Variants in USP28 observed in about 807,000 individuals in gnomAD.
The protein encoded by USP28 is ubiquitin specific peptidase 28.
USP28 carries 113 observed loss-of-function variants against 145.0 expected under a neutral mutation model. The ratio of observed to expected loss-of-function variants is 0.78; its 90% CI spans 0.67 to 0.91. The LOEUF (loss-of-function observed/expected upper bound fraction) is 0.91. Among genes scored for constraint, USP28 ranks in the 40% least tolerant of loss-of-function variants. The pLI is 0.00. For synonymous variants in USP28, 447 were observed against 450.9 expected (o/e 0.99, Z 0.11); for missense variants, 1,201 against 1,289.6 (o/e 0.93, Z 1.05).
intron 1 of USP28, chr11:113,859,570 A>G (rs138204983): frequency 3.3e-5 from 5 of 152,068 alleles, no homozygotes; most frequent in African/African-American, 1.2e-4. Context: ...AAAGTTCTTA[A>G]CAGAACCCGC....
exon 14 of USP28, chr11:113,815,291 G>A (rs749211347): frequency 1.4e-5 from 23 of 1,614,114 alleles, no homozygotes; most frequent in Middle Eastern, 1.6e-4. Context: ...ATGGAAGACC[G>A]AGAAGATGTC....
At chr11:113,812,213 T>C in intron 16 of USP28, 63 bp downstream of exon 16, 1 of 1,292,716 alleles carries the variant, frequency 7.7e-7, no homozygotes. Flanking sequence ...AGTACAAGAC[T>C]GTTCTTCTCC....
At chr11:113,868,616 C>G (rs1196860344) in intron 1 of USP28, among the ~76,000 whole-genome samples, 1 of 152,060 alleles carries the variant, frequency 6.6e-6, no homozygotes, top group South Asian at 2.1e-4. Context: ...AGTTTAAAAT[C>G]TCATACGAAT....
At chr11:113,824,874 T>C (rs375558204) in intron 11 of USP28, among the ~76,000 whole-genome samples, 1 of 146,182 alleles carries the variant, frequency 6.8e-6, no homozygotes, top group East Asian at 2.0e-4. Context: ...GAGGTTGCGG[T>C]GAGCCAAGAT....
chr11:113,868,739 A>G (rs780045455), intron 1 of USP28, among the ~76,000 whole-genome samples: 5 of 151,814 alleles, frequency 3.3e-5, no homozygotes, highest in Admixed American at 6.6e-5. Context: ...TGGGCAACAT[A>G]AAGAGACCCC....
chr11:113,861,793 CAA>C (rs1331249534), intron 1 of USP28, among the ~76,000 whole-genome samples: 7 of 152,104 alleles, frequency 4.6e-5, no homozygotes, highest in Admixed American at 4.6e-4. Flanking sequence ...TACATTAAGA[CAA>C]TATTTTTCAT....
Position 113,806,539 on chromosome 11 carries a change from T to TA in USP28, c.2349dup (p.Lys784Ter). ...TCTCGGTCAAAGGTCTGACGGGCTT[T>TA]AGCTATGGCCAGGATGACCCCTTGC... On this transcript the variant is annotated frameshift_variant, in exon 19 of 25. Coordinates refer to ENST00000003302, the Ensembl canonical transcript of USP28. LOFTEE classifies it high-confidence loss of function. 1 of 1,606,622 alleles carries TA rather than the reference T, an allele frequency of 6.2e-7. No homozygotes were observed. Among genetic ancestry groups the TA allele is most frequent in the Non-Finnish European group, 8.5e-7 (1 of 1,176,930 alleles).
chr11:113,845,129 A>C (rs1393482349), intron 3 of USP28, among the ~76,000 whole-genome samples: 4 of 151,018 alleles, frequency 2.6e-5, no homozygotes, highest in Non-Finnish European at 4.4e-5. Context: ...AAAAAAAAAA[A>C]AAACAACAAA....
intron 1 of USP28, among the ~76,000 whole-genome samples, chr11:113,868,314 T>C (rs1401908371): frequency 6.6e-6 from 1 of 152,234 alleles, no homozygotes; most frequent in Non-Finnish European, 1.5e-5. Context: ...TGTTATAGTT[T>C]TGGTTTTATC....
intron 1 of USP28, among the ~76,000 whole-genome samples, chr11:113,869,746 A>G (rs1157597810): frequency 2.0e-5 from 3 of 152,224 alleles, no homozygotes; most frequent in African/African-American, 4.8e-5. Flanking sequence ...TCCCATGCCT[A>G]GTATAACAAC....
At chr11:113,852,674 T>A in intron 2 of USP28, 41 bp from the exon 3 acceptor site, 3 of 1,607,954 alleles carry the variant, frequency 1.9e-6, no homozygotes, top group Non-Finnish European at 2.5e-6. Flanking sequence ...AAAGTAATCA[T>A]AGAATTTAAA....
intron 2 of USP28, among the ~76,000 whole-genome samples, chr11:113,853,060 T>C (rs1253677097): frequency 6.6e-6 from 1 of 152,072 alleles, no homozygotes; most frequent in Non-Finnish European, 1.5e-5. Flanking sequence ...CCCAGCACAC[T>C]GGGAGGCCAA....
At chr11:113,874,423 G>GGAAAAAA in intron 1 of USP28, 2 of 412,952 alleles carry the variant, frequency 4.8e-6, no homozygotes, top group Admixed American at 1.1e-4. Context: ...AGACTCTGTC[G>GGAAAAAA]AAAAAAAAAA....
chr11:113,804,415 T>G (rs917808619), intron 21 of USP28, among the ~76,000 whole-genome samples: 3 of 152,218 alleles, frequency 2.0e-5, no homozygotes, highest in Non-Finnish European at 2.9e-5. Flanking sequence ...TTCAAGAATT[T>G]TACTGCCTAG....
rs765490112 is a variant in USP28, at chr11:113,840,628, G to A, written c.504C>T (p.Gly168=). The A allele has an allele frequency of 6.2e-7, 1 of 1,614,092 alleles. No homozygotes were observed. The highest frequency in any genetic ancestry group is 8.5e-7 in the Non-Finnish European group (1 of 1,179,992). ...TAACAGCACTAAACCAACATGTATT[G>A]CCAACATTTTTCAGCCCAACTGGCC... The change falls in exon 5 of 25, where the codon GGC becomes GGT. Residue 168 remains glycine (G), a synonymous_variant. Transcript: ENST00000003302.
At chr11:113,867,498 C>G (rs957412879) in intron 1 of USP28, among the ~76,000 whole-genome samples, 1 of 151,904 alleles carries the variant, frequency 6.6e-6, no homozygotes, top group African/African-American at 2.4e-5. Flanking sequence ...GAATTCCTGA[C>G]CTCAGTGAGC....
intron 13 of USP28, 86 bp from the exon 14 acceptor site, chr11:113,815,468 T>A (rs1359999260): frequency 8.8e-6 from 11 of 1,247,608 alleles, no homozygotes; most frequent in South Asian, 1.4e-5. Context: ...CAAGATGCTA[T>A]ATGAAAAAGT....
In USP28 at chr11:113,849,885, G is replaced by T. The variant is rs181044840; in HGVS notation, c.268+2616C>A. Among the ~76,000 whole-genome samples the T allele has an allele frequency of 2.2e-3, 334 of 152,280 alleles. 4 individuals carry two copies. Among genetic ancestry groups the T allele is most frequent in the South Asian group, 0.02 (98 of 4,826 alleles). On this transcript the variant is annotated intron_variant, in intron 3 of 24. Transcript: ENST00000003302. Reference sequence around the variant, plus strand: ...CCTGACAGGTATAGGCACTGACTCTGAACTGGGTTTTACTATCCCAACAGA... The same window carrying T: ...CCTGACAGGTATAGGCACTGACTCTTAACTGGGTTTTACTATCCCAACAGA...
At chr11:113,838,941 A>T (rs1384403531) in intron 5 of USP28, among the ~76,000 whole-genome samples, 2 of 152,186 alleles carry the variant, frequency 1.3e-5, no homozygotes, top group African/African-American at 4.8e-5. Context: ...GATGGAGAAG[A>T]CTGCTGTGGT....
Sources: gnomAD v4.1 joint callset for allele counts (sites outside exome capture counted in the v4.1 genomes callset) on GRCh38, gnomAD v4.1.1 for gene constraint, MANE v1.5 for transcripts, NCBI Gene and HGNC (gene_info 2026-07-23, HGNC 2026-07-21) for gene names.